Variants in CLSTN3 observed in about 807,000 individuals in gnomAD.
CLSTN3 encodes calsyntenin 3.
CLSTN3 carries 36 observed loss-of-function variants against 95.9 expected under a neutral mutation model. That is an observed-to-expected ratio of 0.38 (90% CI 0.29 to 0.50). The LOEUF is 0.50. Ranked by LOEUF, CLSTN3 falls within the 20% of genes least tolerant of loss-of-function variation. The pLI, the probability that CLSTN3 is intolerant of heterozygous loss-of-function variation, is 0.95. For missense variants in CLSTN3, 1,084 were observed against 1,268.8 expected (o/e 0.85, Z 2.21); for synonymous variants, 481 against 504.0 (o/e 0.95, Z 0.61).
In CLSTN3 at chr12:7,132,816, G is replaced by A; in HGVS notation, c.65-208G>A. 3 of 649,844 alleles carry A rather than the reference G, an allele frequency of 4.6e-6. No homozygotes were observed. In the South Asian group the frequency reaches 5.3e-5, roughly 11 times the overall value. 40.3% of individuals were successfully genotyped at this position (649,844 alleles called of 1,614,324 possible). ...CATGGGAACTGTCTACCCTGCTATA[G>A]GAGAAGGCTATGACCTCCCGCAGAC... On this transcript the variant is annotated intron_variant, in intron 1 of 17. Transcript: ENST00000266546.
chr12:7,151,184 C>A, intron 16 of CLSTN3, 121 bp downstream of exon 16: 1 of 1,147,488 alleles, frequency 8.7e-7, no homozygotes, highest in Non-Finnish European at 1.2e-6. Context: ...GGGTTCTGTT[C>A]CCTGTGGTAC....
In CLSTN3 at chr12:7,137,325, T is replaced by C; in HGVS notation, c.1210+215T>C. On this transcript the variant is annotated intron_variant, in intron 7 of 17. Transcript: ENST00000266546. This position sits in a 1 kb window ranked among gnomAD's most constrained non-coding sequence, Gnocchi z 4.4. ...AGAGTGCAATGGGATTCCTTGCTGCTACTCTTGTTTTCAGTTGCCCAGTCA... is the reference window on the plus strand; with the variant it reads ...AGAGTGCAATGGGATTCCTTGCTGCCACTCTTGTTTTCAGTTGCCCAGTCA... 1.8e-6 allele frequency: 1 copy of C among 568,690 alleles called. No individual in the cohort carries two copies. The allele number at this position is 568,690 out of a possible 1,614,324, so 35.2% of individuals were successfully genotyped here.
Position 7,150,430 on chromosome 12 carries a change from G to A in CLSTN3, c.2246-114G>A. The A allele has an allele frequency of 4.6e-6, 6 of 1,309,514 alleles. No homozygotes were observed. The highest frequency in any genetic ancestry group is 4.5e-5 in the South Asian group (3 of 66,966). The allele number at this position is 1,309,514 out of a possible 1,614,324, so 81.1% of individuals were successfully genotyped here. On this transcript the variant is annotated intron_variant, in intron 14 of 17. Transcript: ENST00000266546. This position sits in a 1 kb window ranked among gnomAD's most constrained non-coding sequence, Gnocchi z 4.0. ...TCAGGTCGCACTTCTGCGGAGATGG[G>A]GCTGACCTGCTCTACAGCTTGTGTG...
intron 12 of CLSTN3, among the ~76,000 whole-genome samples, chr12:7,148,383 G>A (rs999202623): frequency 6.6e-6 from 1 of 152,144 alleles, no homozygotes; most frequent in Non-Finnish European, 1.5e-5. Context: ...CCTGATGCCT[G>A]GATCCTCAAG....
intron 1 of CLSTN3, 107 bp downstream of exon 1, chr12:7,130,819 T>A: frequency 5.0e-6 from 5 of 999,490 alleles, no homozygotes; most frequent in Non-Finnish European, 7.7e-6. Flanking sequence ...GACAGGTGTC[T>A]GGCCCTCTTC....
chr12:7,152,058 GAAAAAAA>G (rs779248525), intron 16 of CLSTN3, among the ~76,000 whole-genome samples: 2 of 67,920 alleles, frequency 2.9e-5, no homozygotes, highest in African/African-American at 5.8e-5. Context: ...TGTCTCAAAG[GAAAAAAA>G]AAAAAAAAAA....
intron 1 of CLSTN3, among the ~76,000 whole-genome samples, chr12:7,131,990 T>A (rs1939313232): frequency 6.6e-6 from 1 of 151,698 alleles, no homozygotes; most frequent in Admixed American, 6.6e-5. Flanking sequence ...TTTGGGAGCC[T>A]GGGTGTTGGC....
Position 7,137,173 on chromosome 12 carries a change from C to G in CLSTN3, c.1210+63C>G. Reference sequence around the variant, plus strand: ...CTGGCTTCTTGTCCCGCCTCTGTCACTGCCCAGTGTGTGACTGTGAACAGG... The same window carrying G: ...CTGGCTTCTTGTCCCGCCTCTGTCAGTGCCCAGTGTGTGACTGTGAACAGG... On this transcript the variant is annotated intron_variant, in intron 7 of 17. Transcript: ENST00000266546. This position sits in a 1 kb window ranked among gnomAD's most constrained non-coding sequence, Gnocchi z 4.4. 6.6e-7 allele frequency: 1 copy of G among 1,518,800 alleles called. No homozygotes were observed. Among genetic ancestry groups the G allele is most frequent in the South Asian group, 1.2e-5 (1 of 81,710 alleles). The allele number at this position is 1,518,800 out of a possible 1,614,324, so 94.1% of individuals were successfully genotyped here.
At chr12:7,154,532 G>C (rs982733355) in intron 16 of CLSTN3, among the ~76,000 whole-genome samples, 1 of 152,146 alleles carries the variant, frequency 6.6e-6, no homozygotes, top group Non-Finnish European at 1.5e-5. Context: ...GAGAGAATAA[G>C]GTTGGTTGAG....
intron 1 of CLSTN3, 185 bp from the exon 2 acceptor site, chr12:7,132,839 G>A: frequency 1.4e-6 from 1 of 718,798 alleles, no homozygotes; most frequent in Middle Eastern, 3.6e-4. Context: ...ACCTCCCGCA[G>A]ACCCTCTGAC....
Position 7,150,779 on chromosome 12 carries a change from G to T in CLSTN3, c.2391+90G>T. 6.4e-7 allele frequency: 1 copy of T among 1,572,616 alleles called. No individual in the cohort carries two copies. Among genetic ancestry groups the T allele is most frequent in the Non-Finnish European group, 8.7e-7 (1 of 1,152,064 alleles). On this transcript the variant is annotated intron_variant, in intron 15 of 17. Coordinates refer to ENST00000266546, the MANE Select transcript of CLSTN3 (RefSeq NM_014718.4). This position sits in a 1 kb window ranked among gnomAD's most constrained non-coding sequence, Gnocchi z 4.0. The stretch of plus-strand genomic sequence containing the variant: ...ACTCAAAATGTTAGTTGGTGGGCAT[G>T]GACATGGCAGCGTGGAGGGCTGCTG...
rs1939523455 is a variant in CLSTN3, at chr12:7,141,371, G to A, written c.1453G>A (p.Glu485Lys). Reference protein sequence around the residue: ...DNGLIHPPRREPALMIGACWT... With the variant: ...DNGLIHPPRRKPALMIGACWT... ...TGGCCTCATCCACCCACCCCGAAGG[G>A]AGCCTGCTCTCATGATTGGGGCCTG... The change falls in exon 9 of 18, where the codon GAG (glutamate) becomes AAG (lysine). Residue 485 changes from glutamate to lysine, a missense_variant. Physicochemically the swap from Glu to Lys is moderately conservative, Grantham distance 56 (BLOSUM62 1). Coordinates refer to ENST00000266546, the MANE Select transcript of CLSTN3 (RefSeq NM_014718.4). The surrounding 1 kb of genome is among the most constrained non-coding windows in gnomAD (Gnocchi z 4.1). 6.2e-7 allele frequency: 1 copy of A among 1,614,076 alleles called. No individual in the cohort carries two copies. The highest frequency in any genetic ancestry group is 8.5e-7 in the Non-Finnish European group (1 of 1,180,046).
chr12:7,134,666 C>G (rs752690550), intron 3 of CLSTN3, among the ~76,000 whole-genome samples: 10 of 152,340 alleles, frequency 6.6e-5, no homozygotes, highest in Admixed American at 1.3e-4. Context: ...GTACACATGC[C>G]ATTTCCCTTC....
Position 7,158,025 on chromosome 12 carries a change from G to A in CLSTN3, c.2815G>A (p.Asp939Asn), listed in dbSNP as rs753841334. 50 of 1,550,592 alleles carry A rather than the reference G, an allele frequency of 3.2e-5. No homozygotes were observed. The South Asian group carries it at 3.7e-4, about 11-fold the overall frequency. Residue 939 changes from aspartate to asparagine, a missense_variant, in exon 18 of 18, where the codon GAT becomes AAT. Asp to Asn is a conservative substitution (Grantham distance 23). Transcript: ENST00000266546. ...GGACAGCAGTGACTCGGAGGTGGCC[G>A]ATTCCCCCAGCAGCGACGAGAGACG... is the stretch of plus-strand genomic sequence containing the variant. ...DEDSSDSEVA[D>N]SPSSDERRII... is the part of the protein sequence containing the mutation.
chr12:7,157,419 C>T lies in CLSTN3; in HGVS notation c.2528-70C>T. ...CAGCCCGGGCTGCCTCTTTTCCTACCCAGCCCCCTGTCCAAGTGCCCCCAG... is the reference window on the plus strand; with the variant it reads ...CAGCCCGGGCTGCCTCTTTTCCTACTCAGCCCCCTGTCCAAGTGCCCCCAG... On this transcript the variant is annotated intron_variant, in intron 16 of 17. Coordinates refer to ENST00000266546, the MANE Select transcript of CLSTN3 (RefSeq NM_014718.4). This position sits in a 1 kb window ranked among gnomAD's most constrained non-coding sequence, Gnocchi z 5.9. 1 of 1,391,930 alleles carries T rather than the reference C, an allele frequency of 7.2e-7. No homozygotes were observed. Among genetic ancestry groups the T allele is most frequent in the Non-Finnish European group, 9.7e-7 (1 of 1,035,052 alleles). 86.2% of individuals were successfully genotyped at this position (1,391,930 alleles called of 1,614,324 possible).
chr12:7,132,269 C>T (rs1266278366), intron 1 of CLSTN3: 3 of 226,290 alleles, frequency 1.3e-5, no homozygotes, highest in Admixed American at 5.2e-5. Flanking sequence ...AGAAATGTGT[C>T]GGTTTCGAAT....
At chr12:7,151,949 G>C (rs1939730384) in intron 16 of CLSTN3, among the ~76,000 whole-genome samples, 1 of 151,818 alleles carries the variant, frequency 6.6e-6, no homozygotes, top group Non-Finnish European at 1.5e-5. Flanking sequence ...AGCTACTTGG[G>C]AGGCTGAGGT....
chr12:7,147,176 T>G (rs1054352726), intron 12 of CLSTN3, among the ~76,000 whole-genome samples: 3 of 151,974 alleles, frequency 2.0e-5, no homozygotes, highest in Non-Finnish European at 1.5e-5. Context: ...GGGAAACTTC[T>G]TTACAGATAC....
Position 7,135,312 on chromosome 12 carries a change from C to T in CLSTN3, c.384-15C>T, listed in dbSNP as rs79158916. 5.2e-3 allele frequency: 8,441 copies of T among 1,612,690 alleles called. 26 individuals carry two copies. The highest frequency in any genetic ancestry group is 6.1e-3 in the Non-Finnish European group (7,138 of 1,178,804). ...CTGACGTGTCTTCATCCCTCCTTCT[C>T]TCTGGCATATGCAGGGCCACTGTGC... is the stretch of plus-strand genomic sequence containing the variant. On this transcript the variant is annotated splice_polypyrimidine_tract_variant and intron_variant, in intron 3 of 17. Coordinates refer to ENST00000266546, the MANE Select transcript of CLSTN3 (RefSeq NM_014718.4).
Sources: allele counts gnomAD v4.1 joint callset (sites outside exome capture counted in the v4.1 genomes callset), GRCh38; gene constraint gnomAD v4.1.1; non-coding constraint Gnocchi (gnomAD v3.1); transcripts MANE v1.5; gene names NCBI Gene and HGNC (gene_info 2026-07-23, HGNC 2026-07-21).